The following TRAPPC3L variants were observed in gnomAD, a reference collection of about 807,000 sequenced individuals.
TRAPPC3L encodes the protein trafficking protein particle complex subunit 3-like protein.
In TRAPPC3L, 23 loss-of-function variants were observed where a neutral mutation model predicts 23.7. The observed-to-expected ratio is 0.97, with a 90% CI of 0.70 to 1.37. The LOEUF (loss-of-function observed/expected upper bound fraction) is 1.37, where lower values mean the gene tolerates loss of function less well. Among genes scored for constraint, TRAPPC3L ranks in the 40% most tolerant of loss-of-function variants. TRAPPC3L has a pLI of 0.00. For missense variants in TRAPPC3L, 212 were observed against 216.8 expected, an observed-to-expected ratio of 0.98 and a Z score of 0.14; for synonymous variants, 81 against 77.9, an observed-to-expected ratio of 1.04 and a Z score of -0.21.
At chr6:116,508,832 T>C (rs1772053478) in intron 3 of TRAPPC3L, among the ~76,000 whole-genome samples, 1 of 151,790 alleles carries the variant, frequency 6.6e-6, no homozygotes. Context: ...AGAAATCCCA[T>C]CCATAGCAAT....
chr6:116,498,154 G>A (rs975966048), intron 4 of TRAPPC3L, among the ~76,000 whole-genome samples: 7 of 152,164 alleles, frequency 4.6e-5, no homozygotes, highest in Non-Finnish European at 8.8e-5. Flanking sequence ...GAAGCTATTT[G>A]GATATTTGGG....
At chr6:116,501,066 G>C (rs1228853152) in intron 3 of TRAPPC3L, among the ~76,000 whole-genome samples, 1 of 152,168 alleles carries the variant, frequency 6.6e-6, no homozygotes, top group Non-Finnish European at 1.5e-5. Context: ...CAAGGGATCA[G>C]GGAATTTCCC....
In TRAPPC3L at chr6:116,545,473, T is replaced by A. The variant is rs367955801; in HGVS notation, c.42A>T (p.Ile14=). The stretch of plus-strand genomic sequence containing the variant: ...AAATCTCTTTGTAGAAAGATCTTAC[T>A]ATTTTATGGTATTCTGGTCTTCGGT... ...PAHRRPEYHK[I]NKDLFVLTYG... Residue 14 remains isoleucine (I), a splice_region_variant and synonymous_variant, in exon 1 of 5, where the codon ATA becomes ATT. Transcript: ENST00000368602. 3.9e-5 allele frequency: 61 copies of A among 1,544,338 alleles called. No individual in the cohort carries two copies. Among genetic ancestry groups the A allele is most frequent in the Non-Finnish European group, 5.2e-5 (59 of 1,142,970 alleles).
chr6:116,529,338 C>A (rs1003251686), intron 3 of TRAPPC3L: 1 of 152,138 alleles, frequency 6.6e-6, no homozygotes, highest in Non-Finnish European at 1.5e-5. Flanking sequence ...ACATGTTATT[C>A]TAAGATAAGA....
intron 1 of TRAPPC3L, among the ~76,000 whole-genome samples, chr6:116,544,241 A>G (rs890439504): frequency 5.3e-5 from 8 of 152,004 alleles, no homozygotes; most frequent in Non-Finnish European, 8.8e-5. Flanking sequence ...AGAAAAGTAG[A>G]AAAAATCATA....
In TRAPPC3L at chr6:116,495,136, G is replaced by A. The variant is rs1771815961; in HGVS notation, c.*1818C>T. On this transcript the variant is annotated 3_prime_UTR_variant, in exon 5 of 5. Transcript: ENST00000368602. ...ATTCATTCTATCTAACTATATTTTTGTACCCATTAACCATCTCCACTCCTC... is the reference window on the plus strand; with the variant it reads ...ATTCATTCTATCTAACTATATTTTTATACCCATTAACCATCTCCACTCCTC... The A allele has an allele frequency of 6.7e-6, 1 of 149,056 alleles. No individual in the cohort carries two copies. The highest frequency in any genetic ancestry group is 2.5e-5 in the African/African-American group (1 of 40,254). 9.2% of individuals were successfully genotyped at this position (149,056 alleles called of 1,614,324 possible).
At chr6:116,508,071 A>G (rs1228382609) in intron 3 of TRAPPC3L, among the ~76,000 whole-genome samples, 1 of 152,238 alleles carries the variant, frequency 6.6e-6, no homozygotes, top group Non-Finnish European at 1.5e-5. Context: ...AAGTGCAGAA[A>G]TTAATTAATT....
chr6:116,513,343 C>A (rs1772161976), intron 3 of TRAPPC3L, among the ~76,000 whole-genome samples: 1 of 152,130 alleles, frequency 6.6e-6, no homozygotes, highest in South Asian at 2.1e-4. Context: ...TAAAGCACAT[C>A]TTAGATAAAA....
At chr6:116,530,019 G>C (rs998845350) in intron 3 of TRAPPC3L, among the ~76,000 whole-genome samples, 5 of 152,178 alleles carry the variant, frequency 3.3e-5, no homozygotes, top group Admixed American at 6.5e-5. Flanking sequence ...ACAGCATTAT[G>C]ATGGCAGCAA....
intron 3 of TRAPPC3L, among the ~76,000 whole-genome samples, chr6:116,526,659 C>G (rs1772443042): frequency 6.6e-6 from 1 of 152,158 alleles, no homozygotes; most frequent in South Asian, 2.1e-4. Flanking sequence ...CTGACACAAA[C>G]TAAACATTAC....
chr6:116,517,093 C>G (rs1772243351), intron 3 of TRAPPC3L: 1 of 152,096 alleles, frequency 6.6e-6, no homozygotes, highest in Non-Finnish European at 1.5e-5. Context: ...CAAATAAGCT[C>G]CCTTGAGCAT....
rs575310358 is a variant in TRAPPC3L at position 116,497,730 on chromosome 6, G to A, written c.427-657C>T. Among the ~76,000 whole-genome samples the A allele has an allele frequency of 2.0e-5, 3 of 152,170 alleles. No homozygotes were observed. The South Asian group carries it at 6.2e-4, about 32-fold the overall frequency. On this transcript the variant is annotated intron_variant, in intron 4 of 4. Coordinates refer to ENST00000368602, the MANE Select transcript of TRAPPC3L (RefSeq NM_001139444.3). ...TTCATTAAAATGTGTCCACATAAGA[G>A]CAGCATGATATTGCTGACCTACCCC...
At chr6:116,516,668 T>A (rs1772231901) in intron 3 of TRAPPC3L, 5 of 27,632 alleles carry the variant, frequency 1.8e-4, no homozygotes, top group Non-Finnish European at 4.1e-4. Flanking sequence ...CAAATATATA[T>A]ATATATATAT....
rs1255784893 is a variant in TRAPPC3L, at chr6:116,511,803, T to C, written c.241-11137A>G. 3 of 1,614,076 alleles carry C rather than the reference T, an allele frequency of 1.9e-6. No individual in the cohort carries two copies. The highest frequency in any genetic ancestry group is 2.2e-5 in the East Asian group (1 of 44,880). On this transcript the variant is annotated intron_variant, in intron 3 of 4. Transcript: ENST00000368602. ...GTGGGAAGTGAGCGTCTCTTTTCTGTTGTGGCTTTTAAGTGCCCCTGCAGC... is the reference window on the plus strand; with the variant it reads ...GTGGGAAGTGAGCGTCTCTTTTCTGCTGTGGCTTTTAAGTGCCCCTGCAGC...
At chr6:116,526,880 A>T (rs1394475105) in intron 3 of TRAPPC3L, among the ~76,000 whole-genome samples, 2 of 152,222 alleles carry the variant, frequency 1.3e-5, no homozygotes, top group Non-Finnish European at 2.9e-5. Context: ...AGGACTTAAG[A>T]ATGTGCCACT....
intron 4 of TRAPPC3L, among the ~76,000 whole-genome samples, chr6:116,498,382 T>G (rs1771863640): frequency 1.3e-5 from 2 of 152,224 alleles, no homozygotes; most frequent in Non-Finnish European, 2.9e-5. Flanking sequence ...GGAGAATCTG[T>G]GTGAACAATA....
chr6:116,510,391 C>T (rs909070026), intron 3 of TRAPPC3L, among the ~76,000 whole-genome samples: 3 of 152,142 alleles, frequency 2.0e-5, no homozygotes, highest in African/African-American at 7.2e-5. Context: ...AAGCGATCCT[C>T]CCATCTCTGC....
intron 1 of TRAPPC3L, 83 bp downstream of exon 1, chr6:116,545,390 A>G: frequency 8.2e-7 from 1 of 1,224,912 alleles, no homozygotes; most frequent in Non-Finnish European, 1.1e-6. Flanking sequence ...TTCTTATAGC[A>G]TCAGTTTTTA....
At chr6:116,515,817 C>T in intron 3 of TRAPPC3L, 1 of 1,613,988 alleles carries the variant, frequency 6.2e-7, no homozygotes, top group Middle Eastern at 1.7e-4. Context: ...AGGCCAGATC[C>T]TTTTCCCATG....
Sources: allele counts gnomAD v4.1 joint callset (sites outside exome capture counted in the v4.1 genomes callset), GRCh38; gene constraint gnomAD v4.1.1; transcripts MANE v1.5; gene names NCBI Gene and HGNC (gene_info 2026-07-23, HGNC 2026-07-21).